Variants in KCNIP4 observed in about 807,000 individuals in gnomAD.
KCNIP4 encodes the protein potassium voltage-gated channel interacting protein 4, also known as Kv channel-interacting protein 4.
A neutral mutation model predicts 34.0 loss-of-function variants in KCNIP4; 12 were observed. The ratio of observed to expected loss-of-function variants is 0.35; its 90% confidence interval spans 0.23 to 0.57. The LOEUF is 0.57. Ranked by LOEUF, KCNIP4 falls within the 20% of genes least tolerant of loss-of-function variation. The pLI, the probability that KCNIP4 is intolerant of heterozygous loss-of-function variation, is 0.83. For missense variants in KCNIP4, 238 were observed against 311.7 expected, an observed-to-expected ratio of 0.76 and a Z score of 1.78; for synonymous variants, 124 against 102.2, an observed-to-expected ratio of 1.21 and a Z score of -1.29.
intron 1 of KCNIP4, among the ~76,000 whole-genome samples, chr4:21,155,464 G>T (rs543927566): frequency 3.3e-5 from 5 of 152,324 alleles, no homozygotes; most frequent in Admixed American, 3.3e-4. Context: ...GGTATGGAAA[G>T]ACGTTTTGAT....
chr4:21,426,354 A>C (rs1188386151), intron 1 of KCNIP4, among the ~76,000 whole-genome samples: 1 of 152,206 alleles, frequency 6.6e-6, no homozygotes, highest in Admixed American at 6.5e-5. Context: ...CCATAGATGT[A>C]ATGAAAATAA....
Position 21,253,047 on chromosome 4 carries a change from A to G in KCNIP4, c.62-370338T>C, listed in dbSNP as rs74350737. 2.1e-4 allele frequency among the ~76,000 whole-genome samples: 32 copies of G among 152,350 alleles called. No individual in the cohort carries two copies. The East Asian group carries it at 4.8e-3, about 23-fold the overall frequency. On this transcript the variant is annotated intron_variant, in intron 1 of 8. Coordinates refer to ENST00000382152, the MANE Select transcript of KCNIP4 (RefSeq NM_025221.6). ...CTCAGAAGTAAGATTTTACAGAAGT[A>G]CAAAGCCTCACATCAAAAGACACAC...
chr4:21,777,423 TC>T (rs1719256936), intron 1 of KCNIP4, among the ~76,000 whole-genome samples: 1 of 152,200 alleles, frequency 6.6e-6, no homozygotes, highest in Admixed American at 6.6e-5. Context: ...TAAAGCACCT[TC>T]ATATGGTGCC....
At chr4:21,557,296 G>A (rs1182473306) in intron 1 of KCNIP4, among the ~76,000 whole-genome samples, 1 of 152,032 alleles carries the variant, frequency 6.6e-6, no homozygotes, top group Non-Finnish European at 1.5e-5. Flanking sequence ...TTCCACCGTG[G>A]ATATTACCGG....
chr4:21,095,487 T>C (rs989457456), intron 1 of KCNIP4, among the ~76,000 whole-genome samples: 8 of 152,210 alleles, frequency 5.3e-5, no homozygotes, highest in African/African-American at 1.9e-4. Context: ...TTTTAAAATA[T>C]GACTCTTTAA....
chr4:20,822,073 A>C (rs1239006929), intron 3 of KCNIP4, among the ~76,000 whole-genome samples: 1 of 152,244 alleles, frequency 6.6e-6, no homozygotes, highest in Non-Finnish European at 1.5e-5. Flanking sequence ...ATGGGATCTC[A>C]TTAAACTAAA....
chr4:20,845,276 G>T (rs975776355), intron 3 of KCNIP4, among the ~76,000 whole-genome samples: 1 of 152,060 alleles, frequency 6.6e-6, no homozygotes, highest in African/African-American at 2.4e-5. Context: ...AAGAAAAATG[G>T]CTAGTACCTG....
chr4:20,904,308 T>A (rs1727486084), intron 1 of KCNIP4, among the ~76,000 whole-genome samples: 1 of 143,752 alleles, frequency 7.0e-6, no homozygotes, highest in South Asian at 2.1e-4. Context: ...AATTTAAAAC[T>A]ATATATATGT....
intron 1 of KCNIP4, among the ~76,000 whole-genome samples, chr4:21,856,054 G>T (rs916349477): frequency 6.6e-5 from 10 of 152,204 alleles, no homozygotes; most frequent in African/African-American, 2.4e-4. Context: ...CTGACTAGTA[G>T]CTGCCTCATA....
intron 2 of KCNIP4, among the ~76,000 whole-genome samples, chr4:20,877,042 T>C (rs761230250): frequency 6.6e-5 from 10 of 152,188 alleles, no homozygotes; most frequent in Non-Finnish European, 1.2e-4. Flanking sequence ...AATGCTACTA[T>C]GGTTCTGGAA....
At chr4:21,349,915 T>C (rs1367357375) in intron 1 of KCNIP4, among the ~76,000 whole-genome samples, 1 of 152,204 alleles carries the variant, frequency 6.6e-6, no homozygotes, top group Admixed American at 6.5e-5. Context: ...CTCAAACTTA[T>C]GTTTCTGTGC....
At chr4:21,840,395 C>T (rs1300289943) in intron 1 of KCNIP4, among the ~76,000 whole-genome samples, 1 of 152,058 alleles carries the variant, frequency 6.6e-6, no homozygotes, top group African/African-American at 2.4e-5. Flanking sequence ...ATGTGCAGAA[C>T]AGCTGTTTCT....
chr4:21,123,068 A>G (rs1446481409), intron 1 of KCNIP4, among the ~76,000 whole-genome samples: 1 of 151,968 alleles, frequency 6.6e-6, no homozygotes, highest in Non-Finnish European at 1.5e-5. Flanking sequence ...CAAAAAATTA[A>G]CCGGACTTGG....
At chr4:21,928,024 C>A (rs1004083352) in intron 1 of KCNIP4, among the ~76,000 whole-genome samples, 3 of 151,866 alleles carry the variant, frequency 2.0e-5, no homozygotes, top group Non-Finnish European at 4.4e-5. Context: ...GTATAATAAT[C>A]ATAGCAAAAA....
intron 3 of KCNIP4, among the ~76,000 whole-genome samples, chr4:20,814,119 C>T (rs1425045968): frequency 6.6e-6 from 1 of 152,096 alleles, no homozygotes; most frequent in Non-Finnish European, 1.5e-5. Context: ...TGGGAAGGGT[C>T]CCACAGCGTC....
chr4:21,179,059 C>T (rs1420184608), intron 1 of KCNIP4, among the ~76,000 whole-genome samples: 1 of 152,076 alleles, frequency 6.6e-6, no homozygotes, highest in South Asian at 2.1e-4. Flanking sequence ...TCAAGCAATC[C>T]ACCTGCCTTG....
chr4:21,073,154 T>G (rs1259178504), intron 1 of KCNIP4, among the ~76,000 whole-genome samples: 2 of 152,150 alleles, frequency 1.3e-5, no homozygotes, highest in Non-Finnish European at 1.5e-5. Context: ...CATATGAACT[T>G]TAAAGTAGTT....
chr4:20,936,631 T>C (rs956926723), intron 1 of KCNIP4, among the ~76,000 whole-genome samples: 2 of 152,152 alleles, frequency 1.3e-5, no homozygotes, highest in Non-Finnish European at 1.5e-5. Flanking sequence ...GACTGTACAA[T>C]ACTCTCCATA....
intron 4 of KCNIP4, among the ~76,000 whole-genome samples, chr4:20,757,634 C>T (rs1051027831): frequency 1.9e-4 from 29 of 152,116 alleles, no homozygotes; most frequent in African/African-American, 6.0e-4. Context: ...AATGTCATGT[C>T]CCTACTGCCT....
Sources: gnomAD v4.1 joint callset for allele counts (sites outside exome capture counted in the v4.1 genomes callset) on GRCh38, gnomAD v4.1.1 for gene constraint, MANE v1.5 for transcripts, NCBI Gene and HGNC (gene_info 2026-07-23, HGNC 2026-07-21) for gene names.